PARD3: variants seen among roughly 807,000 people sequenced by gnomAD.
PARD3 encodes the protein par-3 family cell polarity regulator.
In PARD3, 75 loss-of-function variants were observed where a neutral mutation model predicts 155.4. That is an observed-to-expected ratio of 0.48 (90% CI 0.40 to 0.58). PARD3 has a LOEUF of 0.58. Ranked by LOEUF, PARD3 falls within the 20% of genes least tolerant of loss-of-function variation. PARD3 has a pLI of 0.00. For synonymous variants in PARD3, 576 were observed against 610.5 expected (o/e 0.94, Z 0.83); for missense variants, 1,642 against 1,721.7 (o/e 0.95, Z 0.82).
At chr10:34,316,268 T>C (rs1225991960) in intron 20 of PARD3, among the ~76,000 whole-genome samples, 2 of 152,156 alleles carry the variant, frequency 1.3e-5, no homozygotes, top group Non-Finnish European at 2.9e-5. Context: ...AATCTTTATA[T>C]TTAACATTAA....
chr10:34,771,021 G>A (rs1395913172), intron 1 of PARD3, among the ~76,000 whole-genome samples: 1 of 152,112 alleles, frequency 6.6e-6, no homozygotes, highest in Non-Finnish European at 1.5e-5. Flanking sequence ...TCCCTGTGAT[G>A]GAAGACATAA....
At chr10:34,677,852 G>A (rs900681786) in intron 2 of PARD3, among the ~76,000 whole-genome samples, 2 of 151,892 alleles carry the variant, frequency 1.3e-5, no homozygotes, top group African/African-American at 4.8e-5. Flanking sequence ...AATAAAAAAA[G>A]CACATTTTAT....
intron 1 of PARD3, among the ~76,000 whole-genome samples, chr10:34,772,565 G>C (rs1029613391): frequency 2.0e-5 from 3 of 151,560 alleles, no homozygotes; most frequent in African/African-American, 7.3e-5. Flanking sequence ...GCTGAGGCGG[G>C]TGGATTACTT....
intron 22 of PARD3, among the ~76,000 whole-genome samples, chr10:34,219,107 A>G (rs1304633748): frequency 6.6e-6 from 1 of 152,222 alleles, no homozygotes; most frequent in Non-Finnish European, 1.5e-5. Flanking sequence ...TCACTTTTTC[A>G]GCTGGGCCTG....
At position 34,701,333 on chromosome 10, in the gene PARD3, ATGTTGTTGTTGTTGT is replaced by A. The variant is rs34806804; in HGVS notation, c.121-4929_121-4915del. On this transcript the variant is annotated intron_variant, in intron 1 of 24. Transcript: ENST00000374788. ...CACTGAAACCACAATACACGCGGGGATGTTGTTGTTGTTGTTGTTGTTGTTGTTGTTGTTGTTGTT... is the reference window on the plus strand; with the variant it reads ...CACTGAAACCACAATACACGCGGGGATGTTGTTGTTGTTGTTGTTGTTGTT... Among the ~76,000 whole-genome samples, 8 of 149,976 alleles carry A rather than the reference ATGTTGTTGTTGTTGT, an allele frequency of 5.3e-5. No homozygotes were observed. The South Asian group carries it at 6.5e-4, about 12-fold the overall frequency.
rs144738558 is a variant in PARD3 at position 34,659,382 on chromosome 10, T to C, written c.222+36936A>G. ...GAGAGGATAATTTATTGAACTCCTATGTATCACTCACTCAGCTGTAGTAAT... is the reference window on the plus strand; with the variant it reads ...GAGAGGATAATTTATTGAACTCCTACGTATCACTCACTCAGCTGTAGTAAT... On this transcript the variant is annotated intron_variant, in intron 2 of 24. Coordinates refer to ENST00000374788, the MANE Select transcript of PARD3 (RefSeq NM_001184785.2). 3.9e-3 allele frequency among the ~76,000 whole-genome samples: 601 copies of C among 152,348 alleles called. 4 individuals are homozygous for C. Among genetic ancestry groups the C allele is most frequent in the African/African-American group, 0.013 (532 of 41,578 alleles).
At chr10:34,475,125 G>C (rs1251981414) in intron 3 of PARD3, among the ~76,000 whole-genome samples, 1 of 152,154 alleles carries the variant, frequency 6.6e-6, no homozygotes, top group African/African-American at 2.4e-5. Context: ...GTTTATGGGA[G>C]GGTAGAGCTA....
intron 2 of PARD3, among the ~76,000 whole-genome samples, chr10:34,520,760 G>A (rs1290775604): frequency 6.6e-6 from 1 of 152,084 alleles, no homozygotes; most frequent in Non-Finnish European, 1.5e-5. Context: ...TTGGCCCATG[G>A]TCCCTAGTTT....
Position 34,421,995 on chromosome 10 carries a change from A to C in PARD3, c.715-20078T>G, listed in dbSNP as rs111815330. Among the ~76,000 whole-genome samples the C allele has an allele frequency of 6.6e-3, 1,005 of 152,226 alleles. 12 individuals are homozygous for C. Among genetic ancestry groups the C allele is most frequent in the African/African-American group, 0.023 (954 of 41,550 alleles). On this transcript the variant is annotated intron_variant, in intron 5 of 24. Transcript: ENST00000374788. ...AAGGACCCAGGAGAATTAAGCAAGA[A>C]GATATCTGGGTAAAGCAATTTCCAG...
In PARD3 at chr10:34,382,799, G is replaced by A. The variant is rs758157206; in HGVS notation, c.1140C>T (p.Ser380=). Residue 380 remains serine, a synonymous_variant, in exon 9 of 25, where the codon AGC becomes AGT. Coordinates refer to ENST00000374788, the MANE Select transcript of PARD3 (RefSeq NM_001184785.2). ...TATACTGGCTGTCAGGGCTAAAACGGCTTGAATAGTAATTGTTCTTCTCAC... is the reference window on the plus strand; with the variant it reads ...TATACTGGCTGTCAGGGCTAAAACGACTTGAATAGTAATTGTTCTTCTCAC... ...SQSEKNNYYS[S]RFSPDSQYID... is the part of the protein sequence containing the mutation. 3.7e-6 allele frequency: 6 copies of A among 1,614,036 alleles called. No individual in the cohort carries two copies. The highest frequency in any genetic ancestry group is 1.3e-5 in the African/African-American group (1 of 74,916).
chr10:34,396,398 A>G (rs1843349266), intron 7 of PARD3, among the ~76,000 whole-genome samples: 1 of 152,032 alleles, frequency 6.6e-6, no homozygotes, highest in Non-Finnish European at 1.5e-5. Context: ...TTCATCACAC[A>G]TCAGGTCACA....
At chr10:34,147,361 C>T (rs1019941955) in intron 22 of PARD3, among the ~76,000 whole-genome samples, 1 of 152,090 alleles carries the variant, frequency 6.6e-6, no homozygotes, top group Non-Finnish European at 1.5e-5. Flanking sequence ...AATTATACTG[C>T]AGCTGATTAA....
intron 3 of PARD3, among the ~76,000 whole-genome samples, chr10:34,513,157 T>C (rs183271814): frequency 7.5e-4 from 114 of 152,320 alleles, no homozygotes; most frequent in African/African-American, 2.4e-3. Flanking sequence ...AAATTAAAAA[T>C]TGATCATTTT....
At chr10:34,629,986 C>T (rs2092178467) in intron 2 of PARD3, among the ~76,000 whole-genome samples, 1 of 152,066 alleles carries the variant, frequency 6.6e-6, no homozygotes, top group African/African-American at 2.4e-5. Flanking sequence ...GCAGCTGTCC[C>T]CAACTGTGGT....
intron 1 of PARD3, among the ~76,000 whole-genome samples, chr10:34,708,493 G>A (rs1338738596): frequency 1.3e-5 from 2 of 152,092 alleles, no homozygotes; most frequent in African/African-American, 2.4e-5. Context: ...GTATGCTTAA[G>A]TAATAAGGGT....
chr10:34,248,361 G>T (rs932161461), intron 22 of PARD3, among the ~76,000 whole-genome samples: 1 of 152,170 alleles, frequency 6.6e-6, no homozygotes, highest in Non-Finnish European at 1.5e-5. Context: ...AAGTCCGTCT[G>T]TTATCTCCCA....
chr10:34,350,348 T>C (rs1837917939), intron 14 of PARD3, among the ~76,000 whole-genome samples: 1 of 152,134 alleles, frequency 6.6e-6, no homozygotes, highest in Non-Finnish European at 1.5e-5. Flanking sequence ...TAAAACCTTA[T>C]TAAAATTAAG....
At chr10:34,787,269 C>T (rs749916975) in intron 1 of PARD3, among the ~76,000 whole-genome samples, 9 of 152,164 alleles carry the variant, frequency 5.9e-5, no homozygotes, top group Admixed American at 3.9e-4. Flanking sequence ...ATCCCAGCTA[C>T]TCAGGAGGCT....
intron 22 of PARD3, among the ~76,000 whole-genome samples, chr10:34,234,394 C>T (rs35833258): frequency 0.026 from 3,940 of 152,270 alleles, 84 homozygotes; most frequent in Non-Finnish European, 0.037. Flanking sequence ...AGCTTTGCCT[C>T]GGTAGGTTCA....
Sources: gnomAD v4.1 joint callset for allele counts (sites outside exome capture counted in the v4.1 genomes callset) on GRCh38, gnomAD v4.1.1 for gene constraint, MANE v1.5 for transcripts, NCBI Gene and HGNC (gene_info 2026-07-23, HGNC 2026-07-21) for gene names.